Variants in GLIS1 observed in about 807,000 individuals in gnomAD.
GLIS1 encodes GLIS family zinc finger 1.
A neutral mutation model predicts 63.8 loss-of-function variants in GLIS1; 24 were observed. That is an observed-to-expected ratio of 0.38 (90% CI 0.27 to 0.53). The LOEUF (loss-of-function observed/expected upper bound fraction) is 0.53. Ranked by LOEUF, GLIS1 falls within the 20% of genes least tolerant of loss-of-function variation. The probability of loss-of-function intolerance (pLI) is 0.85; values close to 1 mark genes in which losing one functional copy is unlikely to be tolerated. For missense variants in GLIS1, 1,036 were observed against 1,074.1 expected, an observed-to-expected ratio of 0.96 and a Z score of 0.50; for synonymous variants, 450 against 482.5, an observed-to-expected ratio of 0.93 and a Z score of 0.88.
chr1:53,603,170 A>G (rs1172530616), intron 2 of GLIS1, among the ~76,000 whole-genome samples: 1 of 151,876 alleles, frequency 6.6e-6, no homozygotes, highest in East Asian at 1.9e-4. Context: ...CAGCTTTGGG[A>G]GGGAGGGAAG....
intron 4 of GLIS1, among the ~76,000 whole-genome samples, chr1:53,563,559 T>C (rs1209557393): frequency 6.6e-6 from 1 of 152,116 alleles, no homozygotes; most frequent in Non-Finnish European, 1.5e-5. Context: ...ATTTCACAGA[T>C]TTCAGATCAG....
intron 4 of GLIS1, among the ~76,000 whole-genome samples, chr1:53,575,104 T>C (rs1214647478): frequency 6.6e-6 from 1 of 152,194 alleles, no homozygotes; most frequent in Non-Finnish European, 1.5e-5. Flanking sequence ...CCCTGGGAAA[T>C]GGCAACTAAA....
chr1:53,577,683 C>G (rs2100485934), intron 4 of GLIS1, among the ~76,000 whole-genome samples: 1 of 152,290 alleles, frequency 6.6e-6, no homozygotes, highest in East Asian at 1.9e-4. Flanking sequence ...AGGCTCTAAG[C>G]TTGTGTGCCC....
chr1:53,664,323 C>G (rs534072683), intron 2 of GLIS1, among the ~76,000 whole-genome samples: 83 of 152,316 alleles, frequency 5.4e-4, no homozygotes, highest in African/African-American at 1.9e-3. Context: ...CTTCCTACAC[C>G]AGAGGCAGAG....
chr1:53,588,612 T>C lies in GLIS1; in HGVS notation c.1320+5496A>G, dbSNP rs1569873059. 2.0e-5 allele frequency among the ~76,000 whole-genome samples: 3 copies of C among 152,310 alleles called. No individual in the cohort carries two copies. The Middle Eastern group carries it at 0.01, about 518-fold the overall frequency. On this transcript the variant is annotated intron_variant, in intron 4 of 10. Transcript: ENST00000628545. ...CTGGGATGAGCTTCAGATGTTGCAA[T>C]GGGTGAGGGGTGTGTGCTGGCCTTA...
Position 53,592,944 on chromosome 1 carries a change from G to A in GLIS1, c.1320+1164C>T, listed in dbSNP as rs530486384. Among the ~76,000 whole-genome samples the A allele has an allele frequency of 3.9e-5, 6 of 152,384 alleles. No homozygotes were observed. The South Asian group carries it at 8.3e-4, about 21-fold the overall frequency. On this transcript the variant is annotated intron_variant, in intron 4 of 10. Coordinates refer to ENST00000628545, the MANE Select transcript of GLIS1 (RefSeq NM_001367484.1). ...GGCAAGCACCTTGCCCCAGGAGGACGGAGTTTATGCTGCTGATTGCCAATG... is the reference window on the plus strand; with the variant it reads ...GGCAAGCACCTTGCCCCAGGAGGACAGAGTTTATGCTGCTGATTGCCAATG...
intron 4 of GLIS1, among the ~76,000 whole-genome samples, chr1:53,556,065 ATAC>A (rs1644819601): frequency 1.1e-5 from 1 of 93,300 alleles, no homozygotes; most frequent in African/African-American, 4.4e-5. Flanking sequence ...GTATGCAGGT[ATAC>A]TGTAGGTTTG....
chr1:53,513,762 G>A (rs1644321419), intron 8 of GLIS1, among the ~76,000 whole-genome samples: 1 of 152,236 alleles, frequency 6.6e-6, no homozygotes, highest in Admixed American at 6.5e-5. Context: ...CCGAATGAAT[G>A]GGTGAATGAA....
intron 2 of GLIS1, among the ~76,000 whole-genome samples, chr1:53,633,926 G>T (rs1291502412): frequency 6.6e-6 from 1 of 152,194 alleles, no homozygotes; most frequent in Non-Finnish European, 1.5e-5. Context: ...ATCCACCAGT[G>T]AACAGAGAAT....
intron 2 of GLIS1, among the ~76,000 whole-genome samples, chr1:53,636,855 C>T (rs1414633633): frequency 2.0e-5 from 3 of 152,214 alleles, no homozygotes; most frequent in African/African-American, 7.2e-5. Flanking sequence ...TCCTAAGGGG[C>T]CACACTCAGT....
chr1:53,540,899 A>T (rs1644637089), intron 4 of GLIS1, among the ~76,000 whole-genome samples: 1 of 152,198 alleles, frequency 6.6e-6, no homozygotes, highest in African/African-American at 2.4e-5. Context: ...ATTATCACAC[A>T]CGTACCACAG....
At chr1:53,670,998 A>G (rs561059341) in intron 2 of GLIS1, among the ~76,000 whole-genome samples, 1 of 152,370 alleles carries the variant, frequency 6.6e-6, no homozygotes, top group Admixed American at 6.5e-5. Flanking sequence ...GATGTGGCAC[A>G]CGAAGAAAAA....
At position 53,709,373 on chromosome 1, in the gene GLIS1, T is replaced by C. The variant is rs1423726973; in HGVS notation, c.259+28433A>G. Among the ~76,000 whole-genome samples the C allele has an allele frequency of 1.9e-3, 131 of 67,708 alleles. 1 individual carries two copies. Among genetic ancestry groups the C allele is most frequent in the African/African-American group, 8.5e-3 (124 of 14,670 alleles). 44.4% of individuals were successfully genotyped at this position (67,708 alleles called of 152,430 possible). ...ACATATATATACATATACATATATA[T>C]ATACATATATACATATATATACATA... is the stretch of plus-strand genomic sequence containing the variant. On this transcript the variant is annotated intron_variant, in intron 2 of 10. Coordinates refer to ENST00000628545, the MANE Select transcript of GLIS1 (RefSeq NM_001367484.1).
intron 4 of GLIS1, among the ~76,000 whole-genome samples, chr1:53,554,467 T>C (rs927559153): frequency 6.6e-6 from 1 of 152,106 alleles, no homozygotes; most frequent in Non-Finnish European, 1.5e-5. Context: ...GGTTAGCTTA[T>C]AAAATTAGAA....
At chr1:53,686,710 G>A (rs1646340422) in intron 2 of GLIS1, among the ~76,000 whole-genome samples, 1 of 152,050 alleles carries the variant, frequency 6.6e-6, no homozygotes, top group African/African-American at 2.4e-5. Flanking sequence ...GGGTTTAAGA[G>A]AGAAATAGGA....
chr1:53,698,324 G>C (rs769077984), intron 2 of GLIS1, among the ~76,000 whole-genome samples: 2 of 152,068 alleles, frequency 1.3e-5, no homozygotes, highest in Non-Finnish European at 2.9e-5. Flanking sequence ...GAAGACTTCC[G>C]AGTCCCTGAT....
chr1:53,511,250 G>A lies in GLIS1; in HGVS notation c.1884-1223C>T, dbSNP rs1191730607. Among the ~76,000 whole-genome samples the A allele has an allele frequency of 3.3e-5, 5 of 152,184 alleles. No homozygotes were observed. Among genetic ancestry groups the A allele is most frequent in the Admixed American group, 6.5e-5 (1 of 15,276 alleles). On this transcript the variant is annotated intron_variant, in intron 8 of 10. Transcript: ENST00000628545. This position sits in a 1 kb window ranked among gnomAD's most constrained non-coding sequence, Gnocchi z 4.2. ...TGGACCATCCACATTAAAATATACA[G>A]CGAATTCAATGTCACAGCTCCAGGT...
intron 1 of GLIS1, 62 bp from the exon 2 acceptor site, chr1:53,738,168 G>A (rs1227832459): frequency 1.9e-6 from 2 of 1,045,234 alleles, no homozygotes; most frequent in African/African-American, 3.3e-5. Flanking sequence ...ATTGTCCCGG[G>A]GCCGAGTTTG....
chr1:53,593,701 G>T (rs1185282984), intron 4 of GLIS1, among the ~76,000 whole-genome samples: 1 of 152,210 alleles, frequency 6.6e-6, no homozygotes, highest in Admixed American at 6.5e-5. Context: ...GTGGTGGTGA[G>T]GGCCCAGCGC....
Sources: allele counts gnomAD v4.1 joint callset (sites outside exome capture counted in the v4.1 genomes callset), GRCh38; gene constraint gnomAD v4.1.1; non-coding constraint Gnocchi (gnomAD v3.1); transcripts MANE v1.5; gene names NCBI Gene and HGNC (gene_info 2026-07-23, HGNC 2026-07-21).